Variants in USP54 observed in about 807,000 individuals in gnomAD.
USP54 encodes the protein ubiquitin carboxyl-terminal hydrolase 54.
In USP54, 87 loss-of-function variants were observed where a neutral mutation model predicts 170.5. The observed-to-expected ratio is 0.51, with a 90% CI of 0.43 to 0.61. USP54 has a LOEUF of 0.61. USP54 is among the 20% of genes least tolerant of loss of function. USP54 has a pLI of 0.00. For missense variants in USP54, 1,786 were observed against 2,047.8 expected (o/e 0.87, Z 2.47); for synonymous variants, 655 against 742.8 (o/e 0.88, Z 1.92).
chr10:73,520,191 G>A (rs2061683022), intron 18 of USP54, 199 bp from the exon 19 acceptor site: 1 of 699,386 alleles, frequency 1.4e-6, no homozygotes, highest in Non-Finnish European at 2.3e-6. Context: ...GGAAGCCATG[G>A]AGGCCAAACA....
chr10:73,531,747 A>C (rs914458825), intron 12 of USP54, among the ~76,000 whole-genome samples: 2 of 152,230 alleles, frequency 1.3e-5, no homozygotes, highest in African/African-American at 4.8e-5. Flanking sequence ...TACACTTCAT[A>C]GTTCCTTAAT....
intron 5 of USP54, among the ~76,000 whole-genome samples, chr10:73,544,391 G>A (rs142131513): frequency 5.4e-4 from 82 of 152,162 alleles, no homozygotes; most frequent in African/African-American, 1.8e-3. Context: ...TTGTTTAACC[G>A]TCTACTCACT....
rs576420697 is a variant in USP54 at position 73,558,930 on chromosome 10, A to G, written c.240+12491T>C. ...TGCATTTGTGACATAACTTTTTCTT[A>G]ATTTTTTTGATATTTCTAGGCTACA... On this transcript the variant is annotated intron_variant, in intron 4 of 23. Coordinates refer to ENST00000687698, the MANE Select transcript of USP54 (RefSeq NM_001391956.1). Among the ~76,000 whole-genome samples the G allele has an allele frequency of 2.0e-4, 30 of 152,242 alleles. No homozygotes were observed. In the South Asian group the frequency reaches 6.2e-3, roughly 32 times the overall value.
chr10:73,544,736 CAG>C (rs1320245278), intron 5 of USP54, among the ~76,000 whole-genome samples: 3 of 151,584 alleles, frequency 2.0e-5, no homozygotes, highest in Non-Finnish European at 2.9e-5. Context: ...TCTTTTGAGA[CAG>C]AGTCTCACTG....
chr10:73,575,390 T>G, intron 3 of USP54, 122 bp downstream of exon 3: 1 of 1,156,458 alleles, frequency 8.6e-7, no homozygotes. Context: ...AATGTAAAAA[T>G]TATCTCAGGT....
chr10:73,586,828 ATAGT>A (rs1431249476), intron 1 of USP54, among the ~76,000 whole-genome samples: 4 of 152,244 alleles, frequency 2.6e-5, no homozygotes, highest in Non-Finnish European at 5.9e-5. Context: ...TCTCCAGCGA[ATAGT>A]TACTCAACTC....
At chr10:73,585,068 G>A (rs1346333929) in intron 1 of USP54, among the ~76,000 whole-genome samples, 7 of 151,974 alleles carry the variant, frequency 4.6e-5, no homozygotes, top group Admixed American at 4.6e-4. Context: ...TCTTTTGGCT[G>A]GAAAAGAACA....
At chr10:73,523,556 C>A in intron 17 of USP54, 27 bp downstream of exon 17, 1 of 1,563,546 alleles carries the variant, frequency 6.4e-7, no homozygotes, top group Non-Finnish European at 8.7e-7. Context: ...TCCCCATCAC[C>A]CACAACCTAA....
intron 17 of USP54, among the ~76,000 whole-genome samples, chr10:73,522,310 G>A (rs548036527): frequency 1.4e-4 from 22 of 152,348 alleles, no homozygotes; most frequent in African/African-American, 2.9e-4. Flanking sequence ...GAGGTAGGGC[G>A]TAGAGCCATT....
chr10:73,608,736 A>G (rs903525358), intron 1 of USP54, among the ~76,000 whole-genome samples: 4 of 152,130 alleles, frequency 2.6e-5, no homozygotes, highest in Non-Finnish European at 5.9e-5. Context: ...TCTCTACTAA[A>G]AATATAAAAA....
At position 73,520,970 on chromosome 10, in the gene USP54, G is replaced by A. The variant is rs766987016; in HGVS notation, c.2420C>T (p.Ser807Leu). ...GTCTCCTTTCTGTTCCAGATGTAGT[G>A]ACTCTTCAAACACTGACTCTGCCTC... ...LQEAESVFEE[S>L]LHLEQKGDCA... The change falls in exon 18 of 24, where the codon TCA becomes TTA. Residue 807 changes from serine (S) to leucine (L), a missense_variant. Around this residue, in one of 3 missense-constraint regions of USP54, gnomAD observed 1,418 missense variants for 1,569.0 expected, o/e 0.90. Coordinates refer to ENST00000687698, the MANE Select transcript of USP54 (RefSeq NM_001391956.1). The A allele has an allele frequency of 6.2e-7, 1 of 1,614,168 alleles. No homozygotes were observed. The highest frequency in any genetic ancestry group is 8.5e-7 in the Non-Finnish European group (1 of 1,180,026).
At chr10:73,550,656 A>G (rs957956345) in intron 4 of USP54, among the ~76,000 whole-genome samples, 3 of 152,100 alleles carry the variant, frequency 2.0e-5, no homozygotes, top group Non-Finnish European at 4.4e-5. Context: ...ATTAATCATT[A>G]TGTGATGCAG....
chr10:73,501,384 C>T (rs113035879), intron 22 of USP54, among the ~76,000 whole-genome samples: 37 of 152,260 alleles, frequency 2.4e-4, no homozygotes, highest in African/African-American at 8.2e-4. Context: ...TATTAGTTAT[C>T]TACTTTTATG....
At chr10:73,500,969 G>A (rs1589762160) in intron 22 of USP54, 131 bp from the exon 23 acceptor site, 2 of 987,868 alleles carry the variant, frequency 2.0e-6, no homozygotes, top group East Asian at 6.2e-5. Flanking sequence ...TACATGCCTT[G>A]TTCTGGAACA....
intron 2 of USP54, 32 bp from the exon 3 acceptor site, chr10:73,575,707 T>C: frequency 6.6e-7 from 1 of 1,516,520 alleles, no homozygotes; most frequent in Non-Finnish European, 8.9e-7. Flanking sequence ...ATTTGTGCCT[T>C]TTTGGCAGGA....
At chr10:73,526,588 G>A in intron 16 of USP54, 59 bp downstream of exon 16, 2 of 1,603,180 alleles carry the variant, frequency 1.2e-6, no homozygotes, top group East Asian at 2.2e-5. Context: ...GGTAAGTCTG[G>A]TCCCCAGACA....
intron 1 of USP54, chr10:73,606,316 T>A (rs1329650965): frequency 6.6e-5 from 10 of 151,862 alleles, no homozygotes; most frequent in Admixed American, 6.6e-4. Context: ...CACAATTTTT[T>A]AAAAAATAAA....
At chr10:73,597,715 C>G (rs761533637) in intron 1 of USP54, among the ~76,000 whole-genome samples, 9 of 152,206 alleles carry the variant, frequency 5.9e-5, no homozygotes, top group Admixed American at 1.3e-4. Context: ...TGCTATTCTC[C>G]TGTCTTGATA....
chr10:73,527,897 GCTT>G (rs2063227640), intron 15 of USP54, among the ~76,000 whole-genome samples: 3 of 151,136 alleles, frequency 2.0e-5, no homozygotes, highest in Admixed American at 2.0e-4. Flanking sequence ...TAACATTTGG[GCTT>G]CTTCTCTGAT....
Sources: allele counts gnomAD v4.1 joint callset (sites outside exome capture counted in the v4.1 genomes callset), GRCh38; gene constraint gnomAD v4.1.1; regional missense constraint gnomAD v4.1.1; transcripts MANE v1.5; gene names NCBI Gene and HGNC (gene_info 2026-07-23, HGNC 2026-07-21).